KCNH7: variants seen among roughly 807,000 people sequenced by gnomAD.
KCNH7 encodes voltage-gated inwardly rectifying potassium channel KCNH7.
A neutral mutation model predicts 120.8 loss-of-function variants in KCNH7; 49 were observed. That is an observed-to-expected ratio of 0.41 (90% CI 0.32 to 0.51). The LOEUF (loss-of-function observed/expected upper bound fraction) is 0.51. Among genes scored for constraint, KCNH7 ranks in the 20% least tolerant of loss-of-function variants. KCNH7 has a pLI of 0.38. For synonymous variants in KCNH7, 547 were observed against 516.1 expected (o/e 1.06, Z -0.81); for missense variants, 1,097 against 1,446.6 (o/e 0.76, Z 3.92).
At chr2:162,546,576 G>A (rs1025771666) in intron 2 of KCNH7, among the ~76,000 whole-genome samples, 1 of 152,240 alleles carries the variant, frequency 6.6e-6, no homozygotes, top group Admixed American at 6.5e-5. Context: ...ACCCCGTGTG[G>A]ATGTCATTTC....
At chr2:162,753,010 A>AAAGAAAAG (rs1688651024) in intron 2 of KCNH7, among the ~76,000 whole-genome samples, 1 of 148,958 alleles carries the variant, frequency 6.7e-6, no homozygotes, top group Non-Finnish European at 1.5e-5. Context: ...AAAGAAAAGA[A>AAAGAAAAG]AAGAAAAGAA....
intron 4 of KCNH7, among the ~76,000 whole-genome samples, chr2:162,516,493 T>C (rs191564075): frequency 1.3e-5 from 2 of 151,682 alleles, no homozygotes; most frequent in Non-Finnish European, 3.0e-5. Flanking sequence ...GAATAGAGTA[T>C]GTAATAGGGA....
chr2:162,761,797 G>A (rs1339186834), intron 2 of KCNH7, among the ~76,000 whole-genome samples: 3 of 152,056 alleles, frequency 2.0e-5, no homozygotes, highest in Admixed American at 6.6e-5. Flanking sequence ...TGAGGGATTC[G>A]ATAAGAGTGG....
chr2:162,510,363 A>G (rs1691029289), intron 5 of KCNH7, among the ~76,000 whole-genome samples: 1 of 151,694 alleles, frequency 6.6e-6, no homozygotes, highest in South Asian at 2.1e-4. Context: ...GTCAGCTAGT[A>G]TCTCTGTCCA....
Position 162,762,197 on chromosome 2 carries a change from C to CT in KCNH7, c.307+74339dup, listed in dbSNP as rs569078528. 9.2e-5 allele frequency among the ~76,000 whole-genome samples: 14 copies of CT among 151,580 alleles called. No homozygotes were observed. In the South Asian group the frequency reaches 2.9e-3, roughly 32 times the overall value. On this transcript the variant is annotated intron_variant, in intron 2 of 15. Coordinates refer to ENST00000332142, the MANE Select transcript of KCNH7 (RefSeq NM_033272.4). ...AGAGATCTCCTTTCCTTTTTCATGG[C>CT]TTTTTTGTTTGTTTGTTTTTTTTCT... is the stretch of plus-strand genomic sequence containing the variant.
intron 2 of KCNH7, among the ~76,000 whole-genome samples, chr2:162,771,117 G>T (rs988588799): frequency 3.0e-4 from 46 of 152,182 alleles, no homozygotes; most frequent in African/African-American, 1.1e-3. Context: ...AGTGTCTACA[G>T]ATCTCCAATT....
rs552442646 is a variant in KCNH7, at chr2:162,766,272, G to A, written c.307+70265C>T. Reference sequence around the variant, plus strand: ...AAGTTCAATTTCAGCACTAGTCAGCGTTGCTCACATTTGGCACATGCGCCT... The same window carrying A: ...AAGTTCAATTTCAGCACTAGTCAGCATTGCTCACATTTGGCACATGCGCCT... On this transcript the variant is annotated intron_variant, in intron 2 of 15. Transcript: ENST00000332142. Among the ~76,000 whole-genome samples, 264 of 152,152 alleles carry A rather than the reference G, an allele frequency of 1.7e-3. 1 individual carries two copies. Among genetic ancestry groups the A allele is most frequent in the African/African-American group, 5.4e-3 (225 of 41,498 alleles).
intron 13 of KCNH7, among the ~76,000 whole-genome samples, chr2:162,381,851 C>T (rs1686428324): frequency 6.6e-6 from 1 of 152,048 alleles, no homozygotes; most frequent in East Asian, 1.9e-4. Context: ...TATTCACAGA[C>T]GTTTGAACCT....
chr2:162,762,912 G>A lies in KCNH7; in HGVS notation c.307+73625C>T, dbSNP rs539433161. ...CAATCAATATATTCTATGAAATTAA[G>A]GAACAATTATTTAAGCAGTTCTTTA... On this transcript the variant is annotated intron_variant, in intron 2 of 15. Coordinates refer to ENST00000332142, the MANE Select transcript of KCNH7 (RefSeq NM_033272.4). 2.6e-5 allele frequency among the ~76,000 whole-genome samples: 4 copies of A among 152,076 alleles called. No individual in the cohort carries two copies. The South Asian group carries it at 6.2e-4, about 24-fold the overall frequency.
chr2:162,704,427 A>T (rs1427733824), intron 2 of KCNH7, among the ~76,000 whole-genome samples: 1 of 152,196 alleles, frequency 6.6e-6, no homozygotes, highest in Non-Finnish European at 1.5e-5. Context: ...TCTTCCCATG[A>T]GTTTAAACTG....
intron 2 of KCNH7, among the ~76,000 whole-genome samples, chr2:162,597,321 A>G (rs1277226251): frequency 6.6e-6 from 1 of 152,046 alleles, no homozygotes; most frequent in Non-Finnish European, 1.5e-5. Flanking sequence ...TTGATTAAAA[A>G]CGTGGTATAT....
At chr2:162,760,063 T>A (rs1467790460) in intron 2 of KCNH7, among the ~76,000 whole-genome samples, 1 of 152,178 alleles carries the variant, frequency 6.6e-6, no homozygotes, top group African/African-American at 2.4e-5. Context: ...TGTACGGTCA[T>A]GTGGCACATA....
Position 162,704,905 on chromosome 2 carries a change from T to C in KCNH7, c.307+131632A>G, listed in dbSNP as rs189735967. 7.9e-5 allele frequency among the ~76,000 whole-genome samples: 12 copies of C among 152,306 alleles called. No individual in the cohort carries two copies. In the East Asian group the frequency reaches 2.3e-3, roughly 29 times the overall value. Reference sequence around the variant, plus strand: ...GAAATTCAGGGGAATTTCAAGAGTCTCATATTTTTGAAAATCTGTGCTTTG... The same window carrying C: ...GAAATTCAGGGGAATTTCAAGAGTCCCATATTTTTGAAAATCTGTGCTTTG... On this transcript the variant is annotated intron_variant, in intron 2 of 15. Transcript: ENST00000332142.
At chr2:162,423,609 A>G (rs1687770743) in intron 8 of KCNH7, 74 bp from the exon 9 acceptor site, 2 of 1,355,574 alleles carry the variant, frequency 1.5e-6, no homozygotes, top group East Asian at 2.3e-5. Flanking sequence ...AGTATCAAGC[A>G]TGTGGATTTT....
At position 162,423,456 on chromosome 2, in the gene KCNH7, C is replaced by T; in HGVS notation, c.2034G>A (p.Met678Ile). 1 of 1,614,108 alleles carries T rather than the reference C, an allele frequency of 6.2e-7. No individual in the cohort carries two copies. The highest frequency in any genetic ancestry group is 8.5e-7 in the Non-Finnish European group (1 of 1,179,950). The change falls in exon 9 of 16, where the codon ATG (methionine) becomes ATA (isoleucine). Residue 678 changes from methionine to isoleucine, a missense_variant. Coordinates refer to ENST00000332142, the MANE Select transcript of KCNH7 (RefSeq NM_033272.4). ...RLYSGTARYH[M>I]QMLRVKEFIR... ...TGAACTCTTTTACTCGCAGCATCTG[C>T]ATGTGGTACCTGGCAGTTCCCGAGT...
intron 2 of KCNH7, among the ~76,000 whole-genome samples, chr2:162,728,189 G>T (rs2105386245): frequency 6.7e-6 from 1 of 150,170 alleles, no homozygotes; most frequent in African/African-American, 2.5e-5. Flanking sequence ...TTTTAATTAG[G>T]CATTCTAAAA....
intron 2 of KCNH7, among the ~76,000 whole-genome samples, chr2:162,613,152 G>A (rs1683025497): frequency 6.6e-6 from 1 of 151,862 alleles, no homozygotes; most frequent in Non-Finnish European, 1.5e-5. Context: ...AAATACAAAG[G>A]AATCCACAGT....
At chr2:162,376,344 G>C (rs1691422383) in intron 14 of KCNH7, among the ~76,000 whole-genome samples, 1 of 151,282 alleles carries the variant, frequency 6.6e-6, no homozygotes, top group East Asian at 1.9e-4. Flanking sequence ...ATGTTCTAGG[G>C]CTTCCCTACT....
chr2:162,734,051 TG>T (rs1297523404), intron 2 of KCNH7, among the ~76,000 whole-genome samples: 1 of 152,170 alleles, frequency 6.6e-6, no homozygotes, highest in African/African-American at 2.4e-5. Context: ...GACTATAATT[TG>T]AATGGATATA....
Sources: gnomAD v4.1 joint callset for allele counts (sites outside exome capture counted in the v4.1 genomes callset) on GRCh38, gnomAD v4.1.1 for gene constraint, MANE v1.5 for transcripts, NCBI Gene and HGNC (gene_info 2026-07-23, HGNC 2026-07-21) for gene names.